The following SAMD5 variants were observed in gnomAD, a reference collection of about 807,000 sequenced individuals.
The protein encoded by SAMD5 is sterile alpha motif domain containing 5, also known as sterile alpha motif domain-containing protein 5.
SAMD5 carries 13 observed loss-of-function variants against 11.3 expected under a neutral mutation model. That is an observed-to-expected ratio of 1.15 (90% CI 0.75 to 1.83). The LOEUF is 1.83. SAMD5 is among the 40% of genes most tolerant of loss of function. The pLI is 0.00. For synonymous variants in SAMD5, 129 were observed against 111.3 expected (o/e 1.16, Z -1.00); for missense variants, 255 against 239.1 (o/e 1.07, Z -0.44).
At chr6:147,776,844 G>A in the SAMD5 span, among the ~76,000 whole-genome samples, 28 of 152,278 alleles carry the variant, frequency 1.8e-4, no homozygotes, top group East Asian at 3.9e-4. Flanking sequence ...CTCTCCCAGC[G>A]GGTCATTAAT....
chr6:147,662,158 CTT>C (rs200619122), intron 1 of SAMD5, among the ~76,000 whole-genome samples: 4,742 of 152,204 alleles, frequency 0.031, 253 homozygotes, highest in African/African-American at 0.11. Context: ...GAGCATGTTT[CTT>C]TGGTGTAATG....
chr6:147,713,656 C>T (rs1006737063), intron 1 of SAMD5, among the ~76,000 whole-genome samples: 6 of 151,890 alleles, frequency 4.0e-5, no homozygotes, highest in Non-Finnish European at 8.8e-5. Context: ...AAACTAGGGC[C>T]CAAGGGTGAT....
chr6:147,553,410 G>A (rs1356503458), intron 1 of SAMD5, among the ~76,000 whole-genome samples: 1 of 152,146 alleles, frequency 6.6e-6, no homozygotes, highest in Non-Finnish European at 1.5e-5. Context: ...TTGGTTTGAG[G>A]TAGTATGCCT....
At chr6:147,659,320 T>C (rs1254588387) in intron 1 of SAMD5, among the ~76,000 whole-genome samples, 1 of 152,144 alleles carries the variant, frequency 6.6e-6, no homozygotes, top group East Asian at 1.9e-4. Flanking sequence ...TTTTTTCATG[T>C]CCCTGGTTCT....
the SAMD5 span, among the ~76,000 whole-genome samples, chr6:147,750,237 G>A: frequency 6.6e-6 from 1 of 152,316 alleles, no homozygotes; most frequent in Non-Finnish European, 1.5e-5. Flanking sequence ...TGCATAAATA[G>A]CATATGAAAT....
intron 1 of SAMD5, among the ~76,000 whole-genome samples, chr6:147,712,622 C>T (rs1287498122): frequency 6.6e-6 from 1 of 152,192 alleles, no homozygotes; most frequent in East Asian, 1.9e-4. Context: ...GGGTGGCACT[C>T]TTTTGATGGG....
the SAMD5 span, among the ~76,000 whole-genome samples, chr6:147,889,194 T>C: frequency 0.66 from 100,158 of 152,068 alleles, 33,992 homozygotes; most frequent in African/African-American, 0.83. Flanking sequence ...TCTTTGTTTC[T>C]TTTTGAACAG....
chr6:147,561,327 A>G (rs1268084481), intron 1 of SAMD5, among the ~76,000 whole-genome samples: 1 of 152,094 alleles, frequency 6.6e-6, no homozygotes, highest in East Asian at 1.9e-4. Flanking sequence ...AGCTGGGACT[A>G]CAGGCACGTG....
rs181912868 is a variant in SAMD5, at chr6:147,685,076, T to C, written c.163-52241T>C. The stretch of plus-strand genomic sequence containing the variant: ...AACTTATGGAATGGAGCAAGCATCT[T>C]TTCTATGCCTTGGCAAATTGTCATA... On this transcript the variant is annotated intron_variant, in intron 1 of 1. Coordinates refer to the SAMD5 transcript ENST00000566741. Among the ~76,000 whole-genome samples the C allele has an allele frequency of 1.1e-3, 173 of 152,322 alleles. No individual in the cohort carries two copies. In the Middle Eastern group the frequency reaches 0.02, roughly 18 times the overall value.
chr6:147,534,724 C>T (rs554502926), intron 1 of SAMD5, among the ~76,000 whole-genome samples: 102 of 152,254 alleles, frequency 6.7e-4, no homozygotes, highest in African/African-American at 2.4e-3. Context: ...CCAGCTGATC[C>T]ATCAAGGGCA....
chr6:147,547,736 G>A (rs1009172092), intron 1 of SAMD5, among the ~76,000 whole-genome samples: 5 of 152,120 alleles, frequency 3.3e-5, no homozygotes, highest in Non-Finnish European at 5.9e-5. Context: ...ACCCACACTC[G>A]AAACGGAGGG....
At chr6:147,592,346 C>T (rs1305979854) in intron 1 of SAMD5, among the ~76,000 whole-genome samples, 1 of 152,048 alleles carries the variant, frequency 6.6e-6, no homozygotes, top group Non-Finnish European at 1.5e-5. Context: ...GAAGAGGCAG[C>T]TAGAATGAAG....
At chr6:147,825,472 C>T in the SAMD5 span, among the ~76,000 whole-genome samples, 1 of 152,086 alleles carries the variant, frequency 6.6e-6, no homozygotes. Context: ...TGGTTCTTGG[C>T]ATATTTATAT....
At chr6:147,643,744 AGAAGGAAG>A (rs6149848) in intron 1 of SAMD5, among the ~76,000 whole-genome samples, 6,054 of 116,010 alleles carry the variant, frequency 0.052, 214 homozygotes, top group East Asian at 0.086. Context: ...AGGGAAGGAA[AGAAGGAAG>A]GAAGGAAGGA....
chr6:147,581,781 A>G (rs1316320782), intron 1 of SAMD5, among the ~76,000 whole-genome samples: 3 of 152,202 alleles, frequency 2.0e-5, no homozygotes, highest in Non-Finnish European at 4.4e-5. Flanking sequence ...GATAAAAAGT[A>G]TAGAGAGCTT....
the SAMD5 span, among the ~76,000 whole-genome samples, chr6:147,863,017 C>T: frequency 2.6e-5 from 4 of 151,906 alleles, no homozygotes; most frequent in South Asian, 2.1e-4. Context: ...GCAAGGGGTA[C>T]GGAGGAGGGA....
At chr6:147,772,077 A>G in the SAMD5 span, among the ~76,000 whole-genome samples, 1 of 152,202 alleles carries the variant, frequency 6.6e-6, no homozygotes, top group Non-Finnish European at 1.5e-5. Flanking sequence ...CTCAGTTGTC[A>G]TAGTTCTCCT....
chr6:147,672,969 C>T (rs1382250802), intron 1 of SAMD5, among the ~76,000 whole-genome samples: 2 of 152,048 alleles, frequency 1.3e-5, no homozygotes, highest in Admixed American at 6.5e-5. Context: ...TGTCTTGCAT[C>T]TTCTAGGTAA....
At chr6:147,828,046 A>G in the SAMD5 span, among the ~76,000 whole-genome samples, 1 of 151,954 alleles carries the variant, frequency 6.6e-6, no homozygotes, top group Non-Finnish European at 1.5e-5. Flanking sequence ...TCGGCCTCCC[A>G]AAGTGCTGGG....
Sources: allele counts gnomAD v4.1 joint callset (sites outside exome capture counted in the v4.1 genomes callset), GRCh38; gene constraint gnomAD v4.1.1; transcripts MANE v1.5; gene names NCBI Gene and HGNC (gene_info 2026-07-23, HGNC 2026-07-21).